The following SAMD8 variants were observed in gnomAD, a reference collection of about 807,000 sequenced individuals.
The protein encoded by SAMD8 is sterile alpha motif domain containing 8.
A neutral mutation model predicts 42.0 loss-of-function variants in SAMD8; 20 were observed. The observed-to-expected ratio is 0.48, with a 90% CI of 0.34 to 0.69. SAMD8 has a LOEUF of 0.69. Ranked by LOEUF, SAMD8 falls within the 30% of genes least tolerant of loss-of-function variation. The pLI is 0.01. For synonymous variants in SAMD8, 162 were observed against 173.0 expected (o/e 0.94, Z 0.50); for missense variants, 328 against 511.6 (o/e 0.64, Z 3.46).
At chr10:75,144,843 G>C (rs1840097922) in intron 1 of SAMD8, among the ~76,000 whole-genome samples, 1 of 152,096 alleles carries the variant, frequency 6.6e-6, no homozygotes, top group Non-Finnish European at 1.5e-5. Flanking sequence ...ATTATTTATA[G>C]AGACGAGGTC....
At position 75,181,011 on chromosome 10, in the gene SAMD8, A is replaced by AC. The variant is rs1249978788; in HGVS notation, c.*4319_*4320insC. ...TAAACTCTCTAATTTAATAAATGTAATTATTTTATAGTCTTTTATAGACTT... is the reference window on the plus strand; with the variant it reads ...TAAACTCTCTAATTTAATAAATGTAACTTATTTTATAGTCTTTTATAGACTT... On this transcript the variant is annotated 3_prime_UTR_variant, in exon 6 of 6. Coordinates refer to ENST00000542569, the MANE Select transcript of SAMD8 (RefSeq NM_001174156.2). 1 of 152,166 alleles carries AC rather than the reference A, an allele frequency of 6.6e-6. No homozygotes were observed. Among genetic ancestry groups the AC allele is most frequent in the Non-Finnish European group, 1.5e-5 (1 of 68,032 alleles). The allele number at this position is 152,166 out of a possible 1,614,324, so 9.4% of individuals were successfully genotyped here. A position where few individuals can be genotyped will look rare whatever the true frequency, so the allele number is the denominator to read the frequency against.
At chr10:75,171,160 CTTTTT>C (rs1003923090) in intron 4 of SAMD8, among the ~76,000 whole-genome samples, 10 of 68,514 alleles carry the variant, frequency 1.5e-4, no homozygotes, top group African/African-American at 2.9e-4. Context: ...CTTTCTTTTT[CTTTTT>C]TTTTTTTTTT....
At chr10:75,109,287 G>A, upstream of SAMD8, 1 of 1,106,464 alleles carries the variant, frequency 9.0e-7, no homozygotes, top group Non-Finnish European at 1.2e-6. Flanking sequence ...AGGGGCCTCT[G>A]GAGTGGACAA....
chr10:75,160,820 G>A (rs1441563521), intron 2 of SAMD8, among the ~76,000 whole-genome samples: 1 of 152,134 alleles, frequency 6.6e-6, no homozygotes, highest in African/African-American at 2.4e-5. Flanking sequence ...ATCACTCAAG[G>A]CCAGGTACAG....
intron 4 of SAMD8, among the ~76,000 whole-genome samples, chr10:75,171,270 C>A (rs956924508): frequency 2.7e-5 from 4 of 147,886 alleles, no homozygotes; most frequent in African/African-American, 7.6e-5. Context: ...AGGTTCATGC[C>A]ATTCTCCTGC....
upstream of SAMD8, among the ~76,000 whole-genome samples, chr10:75,109,509 AT>A (rs1319431359): frequency 1.3e-5 from 2 of 152,206 alleles, no homozygotes; most frequent in Non-Finnish European, 2.9e-5. Flanking sequence ...CATCTGTGGA[AT>A]TAGTAGATGT....
chr10:75,135,850 TAGA>T (rs1839875092), intron 1 of SAMD8, among the ~76,000 whole-genome samples: 1 of 151,918 alleles, frequency 6.6e-6, no homozygotes, highest in Non-Finnish European at 1.5e-5. Context: ...AAATCTTGTT[TAGA>T]AGGACATTGG....
intron 2 of SAMD8, among the ~76,000 whole-genome samples, chr10:75,154,080 G>GTTTTTT (rs1240999134): frequency 6.6e-6 from 1 of 152,126 alleles, no homozygotes; most frequent in Non-Finnish European, 1.5e-5. Flanking sequence ...GTAGTAAAGA[G>GTTTTTT]TTTTTTGTTT....
At chr10:75,159,081 CAG>C (rs1379346849) in intron 2 of SAMD8, among the ~76,000 whole-genome samples, 8 of 76,714 alleles carry the variant, frequency 1.0e-4, no homozygotes, top group African/African-American at 7.6e-4. Flanking sequence ...TTTTTTGAGA[CAG>C]AGTCTCACTC....
chr10:75,146,207 C>T (rs761780464), intron 1 of SAMD8, among the ~76,000 whole-genome samples: 43 of 149,358 alleles, frequency 2.9e-4, no homozygotes, highest in Non-Finnish European at 5.3e-4. Flanking sequence ...TAACCTGGGG[C>T]AGTAGGGTTC....
chr10:75,160,543 A>G (rs1034453771), intron 2 of SAMD8, among the ~76,000 whole-genome samples: 4 of 152,168 alleles, frequency 2.6e-5, no homozygotes, highest in Non-Finnish European at 5.9e-5. Flanking sequence ...AGACATATCC[A>G]TGTATAATGC....
chr10:75,152,876 C>CAAT (rs979879399), intron 2 of SAMD8, among the ~76,000 whole-genome samples: 3 of 152,064 alleles, frequency 2.0e-5, no homozygotes, highest in Non-Finnish European at 4.4e-5. Flanking sequence ...TCTCCAACAA[C>CAAT]AATAATAATA....
upstream of SAMD8, chr10:75,111,566 C>A: frequency 8.0e-7 from 1 of 1,249,792 alleles, no homozygotes; most frequent in Non-Finnish European, 1.0e-6. Context: ...CGCGCAGTCG[C>A]CACCGCCCCC....
chr10:75,138,904 CTG>C (rs776768673), intron 1 of SAMD8, among the ~76,000 whole-genome samples: 4 of 151,214 alleles, frequency 2.6e-5, no homozygotes, highest in Non-Finnish European at 4.4e-5. Flanking sequence ...GCAGGAATGA[CTG>C]TTCTCTCAGC....
chr10:75,108,709 C>T (rs10824274), upstream of SAMD8, among the ~76,000 whole-genome samples: 39,519 of 152,098 alleles, frequency 0.26, 5,680 homozygotes, highest in East Asian at 0.61. Flanking sequence ...TTATCTCATG[C>T]CCCAAATACT....
chr10:75,174,278 C>T (rs913232339), intron 4 of SAMD8, among the ~76,000 whole-genome samples: 6 of 151,898 alleles, frequency 4.0e-5, no homozygotes, highest in Non-Finnish European at 5.9e-5. Flanking sequence ...TGCAGGTGCC[C>T]GCCACCAAGC....
chr10:75,150,575 A>G lies in SAMD8; in HGVS notation c.47A>G (p.His16Arg). 6.2e-7 allele frequency: 1 copy of G among 1,614,194 alleles called. No homozygotes were observed. The highest frequency in any genetic ancestry group is 8.5e-7 in the Non-Finnish European group (1 of 1,180,030). ...TGCATTCGCCGCTGGACTACCAAGC[A>G]TGTAGCTGTGTGGCTGAAGGATGAA... ...QLCIRRWTTK[H>R]VAVWLKDEGF... Residue 16 changes from histidine (H) to arginine (R), a missense_variant, in exon 2 of 6, where the codon CAT becomes CGT. Physicochemically the swap from His to Arg is conservative, Grantham distance 29 (BLOSUM62 0). This residue lies in a region of SAMD8 where 150 missense variants were observed against 186.0 expected (regional missense o/e 0.81). Transcript: ENST00000542569.
chr10:75,167,141 G>T (rs1219628996), intron 3 of SAMD8, among the ~76,000 whole-genome samples: 1 of 152,124 alleles, frequency 6.6e-6, no homozygotes, highest in African/African-American at 2.4e-5. Context: ...ATTTTTATTT[G>T]ATATATACTT....
chr10:75,150,179 A>T (rs1239482855), intron 1 of SAMD8, among the ~76,000 whole-genome samples: 2 of 150,874 alleles, frequency 1.3e-5, no homozygotes, highest in African/African-American at 4.9e-5. Context: ...TGGCACAACC[A>T]TGGCGCACTG....
Sources: gnomAD v4.1 joint callset for allele counts (sites outside exome capture counted in the v4.1 genomes callset) on GRCh38, gnomAD v4.1.1 for gene constraint, gnomAD v4.1.1 regional missense constraint, MANE v1.5 for transcripts, NCBI Gene and HGNC (gene_info 2026-07-23, HGNC 2026-07-21) for gene names.